Variants in SDK1 observed in about 807,000 individuals in gnomAD.
SDK1 encodes protein sidekick-1.
A neutral mutation model predicts 245.5 loss-of-function variants in SDK1; 157 were observed. That is an observed-to-expected ratio of 0.64 (90% CI 0.56 to 0.73). SDK1 has a LOEUF of 0.73. Among genes scored for constraint, SDK1 ranks in the 30% least tolerant of loss-of-function variants. The pLI, the probability that SDK1 is intolerant of heterozygous loss-of-function variation, is 0.00. For synonymous variants in SDK1, 1,647 were observed against 1,278.5 expected (o/e 1.29, Z -6.15); for missense variants, 3,583 against 3,002.3 (o/e 1.19, Z -4.52).
At chr7:3,777,057 A>T (rs1026660136) in intron 4 of SDK1, among the ~76,000 whole-genome samples, 1 of 152,136 alleles carries the variant, frequency 6.6e-6, no homozygotes, top group Non-Finnish European at 1.5e-5. Flanking sequence ...AATTGTGATG[A>T]TATTTTTCTC....
chr7:4,011,243 C>G (rs112090181), intron 15 of SDK1, 130 bp downstream of exon 15: 13 of 1,181,048 alleles, frequency 1.1e-5, no homozygotes, highest in African/African-American at 3.0e-5. Flanking sequence ...CGGGACAAAC[C>G]GTGAGCAGAA....
chr7:3,965,963 G>GCTT (rs1782051996), intron 9 of SDK1, among the ~76,000 whole-genome samples: 1 of 151,882 alleles, frequency 6.6e-6, no homozygotes, highest in African/African-American at 2.4e-5. Context: ...CAAGCAGGGT[G>GCTT]GCCATGACGG....
At chr7:3,891,515 C>T (rs1781457448) in intron 5 of SDK1, among the ~76,000 whole-genome samples, 1 of 152,144 alleles carries the variant, frequency 6.6e-6, no homozygotes, top group African/African-American at 2.4e-5. Flanking sequence ...TCGATTTGTC[C>T]CTTTTGAAGC....
chr7:3,951,376 A>G (rs1780812977), intron 6 of SDK1, among the ~76,000 whole-genome samples: 1 of 152,140 alleles, frequency 6.6e-6, no homozygotes, highest in Non-Finnish European at 1.5e-5. Context: ...CTGCCTACTT[A>G]GCGGTCGCTC....
intron 6 of SDK1, among the ~76,000 whole-genome samples, chr7:3,951,502 C>T (rs947948302): frequency 6.6e-6 from 1 of 152,174 alleles, no homozygotes; most frequent in East Asian, 1.9e-4. Flanking sequence ...TCCATTGCTG[C>T]GGCAATTAGA....
At chr7:3,908,479 C>G (rs1434878217) in intron 5 of SDK1, among the ~76,000 whole-genome samples, 1 of 152,198 alleles carries the variant, frequency 6.6e-6, no homozygotes. Flanking sequence ...TCAGCTGCGT[C>G]CAGGATTGCT....
intron 1 of SDK1, among the ~76,000 whole-genome samples, chr7:3,593,106 G>GTGC (rs1780937336): frequency 6.6e-6 from 1 of 152,200 alleles, no homozygotes; most frequent in African/African-American, 2.4e-5. Context: ...ATTTAACTTG[G>GTGC]TGCAGTATCT....
At chr7:4,140,699 A>G (rs1779527099) in intron 28 of SDK1, among the ~76,000 whole-genome samples, 1 of 152,128 alleles carries the variant, frequency 6.6e-6, no homozygotes, top group African/African-American at 2.4e-5. Context: ...GCAAATGTGA[A>G]ATGGAAACAG....
intron 1 of SDK1, among the ~76,000 whole-genome samples, chr7:3,471,589 C>T (rs190542616): frequency 6.6e-6 from 1 of 152,242 alleles, no homozygotes. Flanking sequence ...TGCGTATTTA[C>T]ACTATGTTTT....
intron 5 of SDK1, among the ~76,000 whole-genome samples, chr7:3,828,592 G>A (rs960365586): frequency 6.7e-6 from 1 of 149,450 alleles, no homozygotes; most frequent in Admixed American, 6.6e-5. Context: ...GGTTTGTTTT[G>A]GTTTGGTTTG....
rs961128390 is a variant in SDK1 at position 4,266,359 on chromosome 7, G to A, written c.*975G>A. 9 of 985,424 alleles carry A rather than the reference G, an allele frequency of 9.1e-6. No individual in the cohort carries two copies. In the South Asian group the frequency reaches 4.2e-4, roughly 46 times the overall value. The allele number at this position is 985,424 out of a possible 1,614,324, so 61.0% of individuals were successfully genotyped here. ...ATTGTTCAGCTTTGTACATGGGAAA[G>A]ATGAAAAGCAACAGTGTCTGCAAAT... On this transcript the variant is annotated 3_prime_UTR_variant, in exon 45 of 45. Transcript: ENST00000404826.
intron 4 of SDK1, among the ~76,000 whole-genome samples, chr7:3,652,383 T>C (rs1783037351): frequency 6.6e-6 from 1 of 152,100 alleles, no homozygotes; most frequent in African/African-American, 2.4e-5. Flanking sequence ...CAGACAAGCC[T>C]GGGAAGGAGG....
At chr7:3,516,024 G>A (rs1478868502) in intron 1 of SDK1, among the ~76,000 whole-genome samples, 1 of 151,682 alleles carries the variant, frequency 6.6e-6, no homozygotes, top group Non-Finnish European at 1.5e-5. Flanking sequence ...TCAGATGAGA[G>A]CTAAAGTGTT....
chr7:3,678,936 A>G, intron 4 of SDK1, among the ~76,000 whole-genome samples: 1 of 152,320 alleles, frequency 6.6e-6, no homozygotes, highest in Admixed American at 6.5e-5. Flanking sequence ...ACTTAAATGA[A>G]CAACAACAAC....
rs138921266 is a variant in SDK1, at chr7:3,581,534, A to G, written c.299-37546A>G. On this transcript the variant is annotated intron_variant, in intron 1 of 44. Coordinates refer to ENST00000404826, the MANE Select transcript of SDK1 (RefSeq NM_152744.4). ...AGGTTGTGGGGAAAGGGGAGCACTT[A>G]CACACCGTTGTGGGGAGGGTAAATT... is the stretch of plus-strand genomic sequence containing the variant. Among the ~76,000 whole-genome samples the G allele has an allele frequency of 2.6e-3, 402 of 152,282 alleles. 2 individuals are homozygous for G. The highest frequency in any genetic ancestry group is 9.2e-3 in the African/African-American group (382 of 41,564).
intron 1 of SDK1, among the ~76,000 whole-genome samples, chr7:3,577,617 T>G (rs992816596): frequency 6.6e-6 from 1 of 152,072 alleles, no homozygotes; most frequent in Admixed American, 6.5e-5. Flanking sequence ...CTTCTGCTCT[T>G]TATTGAACCT....
At chr7:4,136,670 T>G (rs932436492) in intron 28 of SDK1, among the ~76,000 whole-genome samples, 1 of 152,248 alleles carries the variant, frequency 6.6e-6, no homozygotes, top group African/African-American at 2.4e-5. Context: ...CACATGGCCT[T>G]GACTGGTATT....
chr7:3,780,279 T>C (rs1295703707), intron 4 of SDK1, among the ~76,000 whole-genome samples: 1 of 152,152 alleles, frequency 6.6e-6, no homozygotes, highest in Non-Finnish European at 1.5e-5. Flanking sequence ...CCAGAGGCAG[T>C]CATCTAGTGA....
intron 17 of SDK1, among the ~76,000 whole-genome samples, chr7:4,046,087 C>T (rs1250379719): frequency 6.6e-6 from 1 of 150,976 alleles, no homozygotes; most frequent in African/African-American, 2.5e-5. Flanking sequence ...CACTACCACA[C>T]CCAGCTGATT....
Sources: allele counts gnomAD v4.1 joint callset (sites outside exome capture counted in the v4.1 genomes callset), GRCh38; gene constraint gnomAD v4.1.1; transcripts MANE v1.5; gene names NCBI Gene and HGNC (gene_info 2026-07-23, HGNC 2026-07-21).